Variants in C1orf185 observed in about 807,000 individuals in gnomAD.
C1orf185 encodes the protein uncharacterized protein C1orf185.
In C1orf185, 13 loss-of-function variants were observed where a neutral mutation model predicts 16.1. The ratio of observed to expected loss-of-function variants is 0.81; its 90% confidence interval spans 0.53 to 1.28. C1orf185 has a LOEUF of 1.28. C1orf185 is among the 50% of genes most tolerant of loss of function. The probability of loss-of-function intolerance (pLI) is 0.00; values close to 1 mark genes in which losing one functional copy is unlikely to be tolerated. For missense variants in C1orf185, 220 were observed against 225.2 expected, an observed-to-expected ratio of 0.98 and a Z score of 0.15; for synonymous variants, 80 against 76.9, an observed-to-expected ratio of 1.04 and a Z score of -0.21.
At chr1:51,137,822 C>T (rs115440517) in intron 3 of C1orf185, among the ~76,000 whole-genome samples, 1,923 of 152,182 alleles carry the variant, frequency 0.013, 38 homozygotes, top group African/African-American at 0.043. Flanking sequence ...CAGTGGTAGA[C>T]TGGATAAAGA....
At chr1:51,141,492 T>TA (rs34339813) in intron 3 of C1orf185, among the ~76,000 whole-genome samples, 2 of 151,648 alleles carry the variant, frequency 1.3e-5, no homozygotes, top group East Asian at 1.9e-4. Context: ...AACCCCATCT[T>TA]AAAAAAAAGA....
At chr1:51,145,011 T>C (rs776272373) in intron 3 of C1orf185, among the ~76,000 whole-genome samples, 5 of 152,162 alleles carry the variant, frequency 3.3e-5, no homozygotes, top group Non-Finnish European at 2.9e-5. Context: ...GGGTCTGATA[T>C]TATAACCAAG....
chr1:51,112,131 AG>A (rs1327940353), intron 1 of C1orf185, among the ~76,000 whole-genome samples: 1 of 151,404 alleles, frequency 6.6e-6, no homozygotes, highest in African/African-American at 2.4e-5. Flanking sequence ...ATGATACGGG[AG>A]GGGAAAAAAA....
At position 51,118,657 on chromosome 1, in the gene C1orf185, A is replaced by AT. The variant is rs1646174919; in HGVS notation, c.123-4dup. On this transcript the variant is annotated splice_polypyrimidine_tract_variant and intron_variant, in intron 2 of 4. Coordinates refer to ENST00000371759, the MANE Select transcript of C1orf185 (RefSeq NM_001136508.2). ...GGTTTAATAATATTCTTTATAAAAT[A>AT]TTTTTCAGAGAAATATTTCAAAATT... 7.5e-7 allele frequency: 1 copy of AT among 1,337,936 alleles called. No homozygotes were observed. Among genetic ancestry groups the AT allele is most frequent in the South Asian group, 1.8e-5 (1 of 55,090 alleles). The allele number at this position is 1,337,936 out of a possible 1,614,324, so 82.9% of individuals were successfully genotyped here.
intron 3 of C1orf185, among the ~76,000 whole-genome samples, chr1:51,123,368 C>T (rs189445056): frequency 7.2e-5 from 11 of 152,280 alleles, no homozygotes; most frequent in African/African-American, 2.4e-4. Flanking sequence ...CTTTTTAGCA[C>T]GGAATAATGT....
rs552064910 is a variant in C1orf185, at chr1:51,131,988, G to C, written c.258+13187G>C. Among the ~76,000 whole-genome samples the C allele has an allele frequency of 1.2e-4, 19 of 152,304 alleles. 1 individual carries two copies. The South Asian group carries it at 3.9e-3, about 32-fold the overall frequency. On this transcript the variant is annotated intron_variant, in intron 3 of 4. Coordinates refer to ENST00000371759, the MANE Select transcript of C1orf185 (RefSeq NM_001136508.2). ...AGTTAGAGCACACAGTCTAGGAATT[G>C]GGAGCTGAGGATTGGCTGCCTAAAA... is the stretch of plus-strand genomic sequence containing the variant.
chr1:51,129,488 T>G (rs1261202809), intron 3 of C1orf185, among the ~76,000 whole-genome samples: 4 of 152,162 alleles, frequency 2.6e-5, no homozygotes, highest in Non-Finnish European at 5.9e-5. Context: ...CATAGGTCAC[T>G]GTAACCTTGA....
chr1:51,147,352 G>A (rs1300669626), intron 4 of C1orf185, 115 bp from the exon 5 acceptor site: 3 of 908,758 alleles, frequency 3.3e-6, no homozygotes, highest in Non-Finnish European at 4.9e-6. Context: ...ACACTGTGTG[G>A]ATGATAGCAA....
chr1:51,149,342 C>T (rs1352721392), downstream of C1orf185, among the ~76,000 whole-genome samples: 1 of 152,172 alleles, frequency 6.6e-6, no homozygotes, highest in Non-Finnish European at 1.5e-5. Flanking sequence ...CCAGGCCTAT[C>T]ATTCCTATCC....
chr1:51,117,105 A>C (rs922370446), intron 2 of C1orf185, among the ~76,000 whole-genome samples: 2 of 152,198 alleles, frequency 1.3e-5, no homozygotes, highest in Non-Finnish European at 2.9e-5. Flanking sequence ...CCATGAGGGC[A>C]GGGGGCTGTT....
intron 3 of C1orf185, among the ~76,000 whole-genome samples, chr1:51,139,856 T>C (rs1205621240): frequency 6.6e-6 from 1 of 152,226 alleles, no homozygotes; most frequent in Non-Finnish European, 1.5e-5. Context: ...TGGGTCAGCA[T>C]TGGCTCTACT....
intron 3 of C1orf185, among the ~76,000 whole-genome samples, chr1:51,127,833 C>G (rs749066447): frequency 4.0e-5 from 6 of 149,582 alleles, no homozygotes; most frequent in Non-Finnish European, 8.9e-5. Context: ...TAAGGCTACT[C>G]TAAACAACCA....
At chr1:51,111,221 C>G (rs1476684086) in intron 1 of C1orf185, among the ~76,000 whole-genome samples, 3 of 151,950 alleles carry the variant, frequency 2.0e-5, no homozygotes, top group African/African-American at 7.2e-5. Context: ...TAATTTGCTG[C>G]ATAACCTTAG....
intron 2 of C1orf185, among the ~76,000 whole-genome samples, chr1:51,115,124 C>T (rs1646148689): frequency 6.6e-6 from 1 of 152,128 alleles, no homozygotes; most frequent in Admixed American, 6.6e-5. Context: ...GCGGGCAGAT[C>T]TCTTGAGGTC....
chr1:51,118,267 G>T (rs1308315703), intron 2 of C1orf185, among the ~76,000 whole-genome samples: 1 of 152,208 alleles, frequency 6.6e-6, no homozygotes, highest in Non-Finnish European at 1.5e-5. Context: ...ATTGACCAAT[G>T]AGTTGCATTT....
In C1orf185 at chr1:51,147,934, TG is replaced by T. The variant is rs1418502392; in HGVS notation, c.*164del. On this transcript the variant is annotated 3_prime_UTR_variant, in exon 5 of 5. Transcript: ENST00000371759. ...ATGTCCATGCTAATATTGCTTTTTT[TG>T]TTCTTTACCATAGAGCGGCTCTACT... is the stretch of plus-strand genomic sequence containing the variant. 1.5e-6 allele frequency: 1 copy of T among 646,330 alleles called. No homozygotes were observed. Among genetic ancestry groups the T allele is most frequent in the Admixed American group, 3.6e-5 (1 of 27,914 alleles). 40.0% of individuals were successfully genotyped at this position (646,330 alleles called of 1,614,324 possible). A position where few individuals can be genotyped will look rare whatever the true frequency, so the allele number is the denominator to read the frequency against.
At chr1:51,143,362 A>G (rs577033137) in intron 3 of C1orf185, among the ~76,000 whole-genome samples, 1 of 152,336 alleles carries the variant, frequency 6.6e-6, no homozygotes, top group African/African-American at 2.4e-5. Context: ...GTAAGGAAGC[A>G]GCTGTCCCTT....
rs533501250 is a variant in C1orf185 at position 51,106,222 on chromosome 1, T to A, written c.16+3973T>A. On this transcript the variant is annotated intron_variant, in intron 1 of 4. Transcript: ENST00000371759. ...TTATATATGAAAATTTAAAAAAAAT[T>A]TTTCTGATTTTTCTAAGATATTCAT... is the stretch of plus-strand genomic sequence containing the variant. Among the ~76,000 whole-genome samples, 512 of 152,108 alleles carry A rather than the reference T, an allele frequency of 3.4e-3. 1 individual carries two copies. Among genetic ancestry groups the A allele is most frequent in the Non-Finnish European group, 4.3e-3 (289 of 67,992 alleles).
chr1:51,125,250 TTATC>T (rs1190842927), intron 3 of C1orf185, among the ~76,000 whole-genome samples: 1 of 152,224 alleles, frequency 6.6e-6, no homozygotes, highest in African/African-American at 2.4e-5. Flanking sequence ...CAGCATCACA[TTATC>T]TATTTATGCA....
Sources: gnomAD v4.1 joint callset for allele counts (sites outside exome capture counted in the v4.1 genomes callset) on GRCh38, gnomAD v4.1.1 for gene constraint, MANE v1.5 for transcripts, NCBI Gene and HGNC (gene_info 2026-07-23, HGNC 2026-07-21) for gene names.